KCNT2: variants seen among roughly 807,000 people sequenced by gnomAD.
The protein encoded by KCNT2 is potassium channel subfamily T member 2.
In KCNT2, 67 loss-of-function variants were observed where a neutral mutation model predicts 153.8. The observed-to-expected ratio is 0.44, with a 90% CI of 0.36 to 0.53. KCNT2 has a LOEUF of 0.53. Among genes scored for constraint, KCNT2 ranks in the 20% least tolerant of loss-of-function variants. The pLI is 0.00. For synonymous variants in KCNT2, 500 were observed against 458.8 expected (o/e 1.09, Z -1.15); for missense variants, 975 against 1,354.8 (o/e 0.72, Z 4.40).
chr1:196,393,552 C>A (rs1670662512), intron 13 of KCNT2, among the ~76,000 whole-genome samples: 1 of 151,312 alleles, frequency 6.6e-6, no homozygotes, highest in Non-Finnish European at 1.5e-5. Flanking sequence ...AAGTTATCCT[C>A]CTAGTAAAGT....
At chr1:196,607,842 C>T (rs1295346822) in intron 1 of KCNT2, among the ~76,000 whole-genome samples, 2 of 152,090 alleles carry the variant, frequency 1.3e-5, no homozygotes, top group Non-Finnish European at 2.9e-5. Context: ...GTTTGATTAA[C>T]CACACCTAAG....
At chr1:196,350,736 T>C (rs1434813892) in intron 14 of KCNT2, among the ~76,000 whole-genome samples, 2 of 152,246 alleles carry the variant, frequency 1.3e-5, no homozygotes, top group Non-Finnish European at 2.9e-5. Flanking sequence ...TTTTGACTTT[T>C]GTTGCCACTG....
chr1:196,311,044 C>T (rs968670681), intron 21 of KCNT2, among the ~76,000 whole-genome samples: 1 of 151,828 alleles, frequency 6.6e-6, no homozygotes, highest in Non-Finnish European at 1.5e-5. Context: ...CCCATTTAGT[C>T]TCTCTTCACT....
chr1:196,597,759 T>A (rs1051573964), intron 1 of KCNT2, among the ~76,000 whole-genome samples: 1 of 152,220 alleles, frequency 6.6e-6, no homozygotes, highest in Non-Finnish European at 1.5e-5. Context: ...TTTTCCTTAT[T>A]ATCTTTTCAT....
At chr1:196,491,360 T>C (rs1474163393) in intron 2 of KCNT2, among the ~76,000 whole-genome samples, 1 of 151,986 alleles carries the variant, frequency 6.6e-6, no homozygotes, top group Non-Finnish European at 1.5e-5. Context: ...AATATTGAAA[T>C]ATTCCATATC....
At chr1:196,478,644 A>C (rs1278316093) in intron 5 of KCNT2, among the ~76,000 whole-genome samples, 1 of 152,082 alleles carries the variant, frequency 6.6e-6, no homozygotes, top group Non-Finnish European at 1.5e-5. Flanking sequence ...GGAATTACCC[A>C]TTATATGCTG....
intron 14 of KCNT2, among the ~76,000 whole-genome samples, chr1:196,361,284 G>C (rs1466891286): frequency 4.6e-5 from 7 of 151,932 alleles, no homozygotes; most frequent in Non-Finnish European, 1.0e-4. Context: ...GCCATAGATA[G>C]TGTCTGTATA....
At chr1:196,381,154 A>G (rs1256195369) in intron 13 of KCNT2, among the ~76,000 whole-genome samples, 1 of 152,172 alleles carries the variant, frequency 6.6e-6, no homozygotes, top group East Asian at 1.9e-4. Context: ...AGTTGCTTCA[A>G]TACTTATTTT....
intron 25 of KCNT2, among the ~76,000 whole-genome samples, chr1:196,280,101 T>G (rs1658955079): frequency 6.6e-6 from 1 of 152,146 alleles, no homozygotes; most frequent in African/African-American, 2.4e-5. Flanking sequence ...ATAATTTACA[T>G]TAAATAATTT....
At chr1:196,278,333 C>T (rs1658773626) in intron 25 of KCNT2, among the ~76,000 whole-genome samples, 1 of 152,116 alleles carries the variant, frequency 6.6e-6, no homozygotes, top group South Asian at 2.1e-4. Flanking sequence ...TTAGTTGCCT[C>T]AATTCTTTCT....
intron 1 of KCNT2, among the ~76,000 whole-genome samples, chr1:196,531,264 A>T (rs117419772): frequency 6.6e-6 from 1 of 152,190 alleles, no homozygotes; most frequent in East Asian, 1.9e-4. Context: ...TGCCATTCTC[A>T]TAGCAGAATC....
At chr1:196,293,812 TAAAC>T (rs947911650) in intron 22 of KCNT2, among the ~76,000 whole-genome samples, 4 of 113,648 alleles carry the variant, frequency 3.5e-5, no homozygotes, top group Non-Finnish European at 7.6e-5. Flanking sequence ...AACAAGAACA[TAAAC>T]AAACAAATGG....
chr1:196,460,754 T>A (rs555212012), intron 8 of KCNT2, among the ~76,000 whole-genome samples: 2 of 151,880 alleles, frequency 1.3e-5, no homozygotes, highest in Admixed American at 1.3e-4. Flanking sequence ...TAGAACTTAA[T>A]ATGAGACTCA....
rs1190571024 is a variant in KCNT2 at position 196,284,230 on chromosome 1, T to TAAAAAAA, written c.2697+1420_2697+1426dup. 2.7e-3 allele frequency among the ~76,000 whole-genome samples: 8 copies of TAAAAAAA among 2,972 alleles called. 2 individuals carry two copies. Among genetic ancestry groups the TAAAAAAA allele is most frequent in the East Asian group, 0.059 (2 of 34 alleles). The allele number at this position is 2,972 out of a possible 152,430, so 1.9% of individuals were successfully genotyped here. ...TGGGCGACAGAGCAAGACTCTGTCT[T>TAAAAAAA]AAAAAAAAAAAAAAAAAAATATATA... On this transcript the variant is annotated intron_variant, in intron 23 of 27. Coordinates refer to ENST00000294725, the MANE Select transcript of KCNT2 (RefSeq NM_198503.5).
At chr1:196,233,626 T>G (rs900127470) in intron 27 of KCNT2, among the ~76,000 whole-genome samples, 1 of 151,480 alleles carries the variant, frequency 6.6e-6, no homozygotes, top group South Asian at 2.1e-4. Context: ...ACATTTCCTC[T>G]TTATACTTTA....
At chr1:196,491,536 T>C (rs886356833) in intron 2 of KCNT2, among the ~76,000 whole-genome samples, 2 of 151,978 alleles carry the variant, frequency 1.3e-5, no homozygotes, top group African/African-American at 2.4e-5. Context: ...TTGTAAGCAA[T>C]GACCATAAAA....
chr1:196,248,891 A>G (rs184382532), intron 26 of KCNT2, among the ~76,000 whole-genome samples: 10 of 152,204 alleles, frequency 6.6e-5, no homozygotes, highest in Non-Finnish European at 1.3e-4. Context: ...TCTGATGAAC[A>G]TTGATGCAAA....
At chr1:196,558,748 C>G (rs772179344) in intron 1 of KCNT2, among the ~76,000 whole-genome samples, 1 of 151,354 alleles carries the variant, frequency 6.6e-6, no homozygotes, top group Non-Finnish European at 1.5e-5. Flanking sequence ...CACATCTTTT[C>G]TCAGAGTTAA....
chr1:196,447,870 A>G (rs950098046), intron 8 of KCNT2, among the ~76,000 whole-genome samples: 1 of 150,082 alleles, frequency 6.7e-6, no homozygotes, highest in Admixed American at 6.7e-5. Context: ...GCATCTAGGC[A>G]GATAGAGAAG....
Sources: gnomAD v4.1 joint callset for allele counts (sites outside exome capture counted in the v4.1 genomes callset) on GRCh38, gnomAD v4.1.1 for gene constraint, MANE v1.5 for transcripts, NCBI Gene and HGNC (gene_info 2026-07-23, HGNC 2026-07-21) for gene names.